Variants in ERC2 observed in about 807,000 individuals in gnomAD.
The protein encoded by ERC2 is ERC protein 2.
In ERC2, 42 loss-of-function variants were observed where a neutral mutation model predicts 114.8. The observed-to-expected ratio is 0.37, with a 90% confidence interval of 0.29 to 0.47. ERC2 has a LOEUF of 0.47. Ranked by LOEUF, ERC2 falls within the 20% of genes least tolerant of loss-of-function variation. The pLI is 0.99. For missense variants in ERC2, 939 were observed against 1,150.7 expected (o/e 0.82, Z 2.66); for synonymous variants, 454 against 425.5 (o/e 1.07, Z -0.82).
At chr3:55,736,090 A>G (rs2065617248) in intron 14 of ERC2, among the ~76,000 whole-genome samples, 2 of 152,166 alleles carry the variant, frequency 1.3e-5, no homozygotes. Flanking sequence ...CTCACTGGGG[A>G]CCACTACAAA....
intron 7 of ERC2, among the ~76,000 whole-genome samples, chr3:56,039,942 T>C (rs1342525890): frequency 6.6e-6 from 1 of 152,126 alleles, no homozygotes; most frequent in Non-Finnish European, 1.5e-5. Context: ...GATATCCATA[T>C]GCAAAAAAGT....
At chr3:55,658,666 G>A (rs2148702168) in intron 17 of ERC2, 1 of 152,814 alleles carries the variant, frequency 6.5e-6, no homozygotes, top group Non-Finnish European at 1.5e-5. Context: ...TTGCACACTT[G>A]CTCATGAATA....
At chr3:55,819,605 G>A (rs1447495589) in intron 14 of ERC2, among the ~76,000 whole-genome samples, 1 of 152,224 alleles carries the variant, frequency 6.6e-6, no homozygotes, top group Non-Finnish European at 1.5e-5. Flanking sequence ...GGGACATGTG[G>A]TGAGTGGAAA....
chr3:56,435,507 C>A (rs2061977981), intron 1 of ERC2, among the ~76,000 whole-genome samples: 1 of 152,154 alleles, frequency 6.6e-6, no homozygotes, highest in East Asian at 1.9e-4. Flanking sequence ...ATCATGGAGA[C>A]CTTAGCTATA....
At chr3:56,329,817 T>C (rs1220032272) in intron 2 of ERC2, among the ~76,000 whole-genome samples, 1 of 151,406 alleles carries the variant, frequency 6.6e-6, no homozygotes, top group Non-Finnish European at 1.5e-5. Flanking sequence ...TTCCACTATA[T>C]GTATTTCCAC....
chr3:56,353,255 C>T (rs188140379), intron 2 of ERC2, among the ~76,000 whole-genome samples: 1 of 152,174 alleles, frequency 6.6e-6, no homozygotes, highest in East Asian at 1.9e-4. Flanking sequence ...ACCCATCCAT[C>T]CCTCTCAGTT....
At chr3:55,662,110 G>T (rs1325242920) in intron 17 of ERC2, among the ~76,000 whole-genome samples, 1 of 152,238 alleles carries the variant, frequency 6.6e-6, no homozygotes, top group Non-Finnish European at 1.5e-5. Flanking sequence ...ACAGGACAGC[G>T]TGGGCTGGGA....
At chr3:56,077,024 A>T (rs1203167825) in intron 7 of ERC2, among the ~76,000 whole-genome samples, 1 of 152,198 alleles carries the variant, frequency 6.6e-6, no homozygotes, top group African/African-American at 2.4e-5. Flanking sequence ...ACATGAGCTT[A>T]TTATTCTTCC....
At chr3:56,401,412 T>C (rs973216778) in intron 2 of ERC2, among the ~76,000 whole-genome samples, 13 of 152,294 alleles carry the variant, frequency 8.5e-5, no homozygotes, top group African/African-American at 2.6e-4. Flanking sequence ...ATAAATCTTT[T>C]TGTATGTAAA....
intron 7 of ERC2, among the ~76,000 whole-genome samples, chr3:56,051,158 G>A (rs1365730298): frequency 6.6e-6 from 1 of 152,084 alleles, no homozygotes; most frequent in Non-Finnish European, 1.5e-5. Context: ...CCAGAACTTT[G>A]CTCTGCTTGT....
chr3:56,364,177 C>A (rs1164032681), intron 2 of ERC2, among the ~76,000 whole-genome samples: 1 of 152,058 alleles, frequency 6.6e-6, no homozygotes, highest in African/African-American at 2.4e-5. Flanking sequence ...GTATGAAATA[C>A]CTGGAACAGG....
intron 14 of ERC2, among the ~76,000 whole-genome samples, chr3:55,742,089 C>T (rs2065996341): frequency 6.6e-6 from 1 of 150,840 alleles, no homozygotes; most frequent in South Asian, 2.1e-4. Context: ...TGGTTTTAGC[C>T]ACCCTGAAAA....
chr3:55,516,884 G>C (rs1384445484), intron 17 of ERC2, among the ~76,000 whole-genome samples: 1 of 152,186 alleles, frequency 6.6e-6, no homozygotes, highest in East Asian at 1.9e-4. Flanking sequence ...ATAGCACTGA[G>C]GTACTGATGC....
At chr3:55,925,089 G>A (rs568090012) in intron 13 of ERC2, among the ~76,000 whole-genome samples, 3 of 152,286 alleles carry the variant, frequency 2.0e-5, no homozygotes, top group Admixed American at 1.3e-4. Flanking sequence ...GGAGCAGGTT[G>A]AGCCAGAAGA....
At chr3:55,895,018 A>C (rs144148473) in intron 13 of ERC2, among the ~76,000 whole-genome samples, 1 of 152,136 alleles carries the variant, frequency 6.6e-6, no homozygotes, top group Non-Finnish European at 1.5e-5. Flanking sequence ...TCTGCTTATC[A>C]AAACTGCCCA....
intron 17 of ERC2, among the ~76,000 whole-genome samples, chr3:55,564,115 A>G (rs1407422853): frequency 6.6e-6 from 1 of 152,176 alleles, no homozygotes; most frequent in Non-Finnish European, 1.5e-5. Flanking sequence ...TGACTCCAAG[A>G]TCAGGATGAC....
chr3:56,145,837 A>G (rs927570808), intron 5 of ERC2, among the ~76,000 whole-genome samples: 2 of 152,138 alleles, frequency 1.3e-5, no homozygotes, highest in African/African-American at 4.8e-5. Flanking sequence ...GACCCTACCA[A>G]TTCCAACTAC....
intron 10 of ERC2, among the ~76,000 whole-genome samples, chr3:56,004,736 T>A (rs2149555720): frequency 6.6e-6 from 1 of 152,132 alleles, no homozygotes; most frequent in South Asian, 2.1e-4. Flanking sequence ...TTGAGCAAAA[T>A]TCCATTGGGA....
chr3:56,239,606 C>T (rs1380553954), intron 3 of ERC2, among the ~76,000 whole-genome samples: 1 of 152,204 alleles, frequency 6.6e-6, no homozygotes, highest in African/African-American at 2.4e-5. Context: ...ACTATTATTA[C>T]TTGGGAGCAT....
Sources: gnomAD v4.1 joint callset for allele counts (sites outside exome capture counted in the v4.1 genomes callset) on GRCh38, gnomAD v4.1.1 for gene constraint, MANE v1.5 for transcripts, NCBI Gene and HGNC (gene_info 2026-07-23, HGNC 2026-07-21) for gene names.